IFT80: variants seen among roughly 807,000 people sequenced by gnomAD.
IFT80 encodes the protein intraflagellar transport protein 80 homolog.
Under a neutral mutation model 107.9 loss-of-function variants are expected in IFT80, and 79 were observed. That is an observed-to-expected ratio of 0.73 (90% CI 0.61 to 0.88). The LOEUF (loss-of-function observed/expected upper bound fraction) is 0.88, where lower values mean the gene tolerates loss of function less well. Ranked by LOEUF, IFT80 falls within the 40% of genes least tolerant of loss-of-function variation. The pLI is 0.00. For missense variants in IFT80, 797 were observed against 914.2 expected (o/e 0.87, Z 1.65); for synonymous variants, 299 against 300.9 (o/e 0.99, Z 0.07).
At position 160,306,612 on chromosome 3, in the gene IFT80, A is replaced by G. The variant is rs76895659; in HGVS notation, c.1076+1051T>C. On this transcript the variant is annotated intron_variant, in intron 10 of 19. Coordinates refer to ENST00000326448, the MANE Select transcript of IFT80 (RefSeq NM_020800.3). The stretch of plus-strand genomic sequence containing the variant: ...AAAAAAAAAACTCACATAAAATTAA[A>G]TTGCCTATTTCTTTATCTACTCGCC... Among the ~76,000 whole-genome samples, 7 of 152,190 alleles carry G rather than the reference A, an allele frequency of 4.6e-5. No individual in the cohort carries two copies. The East Asian group carries it at 9.6e-4, about 21-fold the overall frequency.
intron 9 of IFT80, among the ~76,000 whole-genome samples, chr3:160,319,555 G>A (rs75901635): frequency 0.02 from 3,110 of 152,020 alleles, 99 homozygotes; most frequent in African/African-American, 0.071. Flanking sequence ...ATGCATAACT[G>A]AAGTAGCTTT....
chr3:160,280,781 G>A lies in IFT80; in HGVS notation c.1550C>T (p.Thr517Ile), dbSNP rs1408265295. 3 of 1,613,192 alleles carry A rather than the reference G, an allele frequency of 1.9e-6. No homozygotes were observed. Among genetic ancestry groups the A allele is most frequent in the Non-Finnish European group, 1.7e-6 (2 of 1,179,386 alleles). Reference sequence around the variant, plus strand: ...TTGAAGTCCACAAAGGATATTGCATGTATCGTTCCATGCCAAAGTATGCAC... The same window carrying A: ...TTGAAGTCCACAAAGGATATTGCATATATCGTTCCATGCCAAAGTATGCAC... Reference protein sequence around the residue: ...TMVHTLAWNDTCNILCGLQDT... With the variant: ...TMVHTLAWNDICNILCGLQDT... The change falls in exon 15 of 20, where the codon ACA (threonine) becomes ATA (isoleucine). Residue 517 changes from threonine to isoleucine, a missense_variant. By Grantham distance (89) the Thr-to-Ile change is moderately conservative. Coordinates refer to ENST00000326448, the MANE Select transcript of IFT80 (RefSeq NM_020800.3).
chr3:160,312,211 T>G (rs1205089555), intron 9 of IFT80, among the ~76,000 whole-genome samples: 1 of 152,120 alleles, frequency 6.6e-6, no homozygotes, highest in Non-Finnish European at 1.5e-5. Flanking sequence ...TGGTGCCCTC[T>G]GGAACTGAGC....
rs751433239 is a variant in IFT80 at position 160,268,405 on chromosome 3, ATACT to A, written c.2223+4_2223+7del. 7.5e-6 allele frequency: 12 copies of A among 1,610,152 alleles called. No homozygotes were observed. Among genetic ancestry groups the A allele is most frequent in the East Asian group, 4.5e-5 (2 of 44,724 alleles). ...ATGTATTATTATACAAAATTGTGAA[ATACT>A]TACACCTTCTGCATAATGCAAGTAT... is the stretch of plus-strand genomic sequence containing the variant. On this transcript the variant is annotated splice_donor_5th_base_variant and intron_variant, in intron 19 of 19. Transcript: ENST00000326448.
chr3:160,301,197 C>T, intron 11 of IFT80, 151 bp from the exon 12 acceptor site: 3 of 780,714 alleles, frequency 3.8e-6, no homozygotes, highest in Non-Finnish European at 3.7e-6. Context: ...ACATTTTAAA[C>T]ACTGAAAGCC....
intron 18 of IFT80, among the ~76,000 whole-genome samples, chr3:160,275,306 C>A (rs187311066): frequency 6.6e-6 from 1 of 151,892 alleles, no homozygotes; most frequent in African/African-American, 2.4e-5. Flanking sequence ...TGTACTGAAC[C>A]GTATCAATCT....
At chr3:160,322,073 T>C (rs1463265160) in intron 8 of IFT80, among the ~76,000 whole-genome samples, 3 of 151,472 alleles carry the variant, frequency 2.0e-5, no homozygotes, top group African/African-American at 7.3e-5. Context: ...TTAGGGTACA[T>C]GTGCATAATG....
chr3:160,312,611 TA>T lies in IFT80; in HGVS notation c.958-4831del, dbSNP rs1262110271. ...ATATATAATAAATATATATTATATATAAATATATAATATATATATATAATAA... is the reference window on the plus strand; with the variant it reads ...ATATATAATAAATATATATTATATATAATATATAATATATATATATAATAA... On this transcript the variant is annotated intron_variant, in intron 9 of 19. Coordinates refer to ENST00000326448, the MANE Select transcript of IFT80 (RefSeq NM_020800.3). Among the ~76,000 whole-genome samples the T allele has an allele frequency of 8.5e-5, 6 of 70,836 alleles. No homozygotes were observed. The Admixed American group carries it at 1.2e-3, about 14-fold the overall frequency. 46.5% of individuals were successfully genotyped at this position (70,836 alleles called of 152,430 possible).
chr3:160,360,594 G>A lies in IFT80; in HGVS notation c.550-3016C>T, dbSNP rs553268654. Reference sequence around the variant, plus strand: ...TAGAAATGAAGGAAAAAATGTTAACGGCAGCCAGAAAGAAAGATCGGGTTA... The same window carrying A: ...TAGAAATGAAGGAAAAAATGTTAACAGCAGCCAGAAAGAAAGATCGGGTTA... On this transcript the variant is annotated intron_variant, in intron 6 of 19. Transcript: ENST00000326448. Among the ~76,000 whole-genome samples, 18 of 152,178 alleles carry A rather than the reference G, an allele frequency of 1.2e-4. No individual in the cohort carries two copies. In the East Asian group the frequency reaches 1.9e-3, roughly 16 times the overall value.
At chr3:160,352,269 C>T (rs1445854445) in intron 8 of IFT80, among the ~76,000 whole-genome samples, 2 of 151,854 alleles carry the variant, frequency 1.3e-5, no homozygotes, top group Non-Finnish European at 2.9e-5. Flanking sequence ...GCTGGGATTA[C>T]AGGCGTGAGC....
intron 11 of IFT80, among the ~76,000 whole-genome samples, chr3:160,302,064 G>A (rs1056214551): frequency 1.3e-5 from 2 of 152,084 alleles, no homozygotes; most frequent in Admixed American, 6.5e-5. Flanking sequence ...TTGAAAAGTT[G>A]TATTGATTTA....
At chr3:160,377,293 G>A in intron 4 of IFT80, 137 bp downstream of exon 4, 1 of 611,998 alleles carries the variant, frequency 1.6e-6, no homozygotes, top group Non-Finnish European at 2.9e-6. Flanking sequence ...CATTTATATA[G>A]CAGTGTAGAA....
At chr3:160,337,273 G>GA (rs1345355448) in intron 8 of IFT80, among the ~76,000 whole-genome samples, 5 of 152,098 alleles carry the variant, frequency 3.3e-5, no homozygotes, top group Non-Finnish European at 7.4e-5. Context: ...AAATATTTAT[G>GA]AAAACATTCC....
At chr3:160,261,526 T>C (rs1394563607) in intron 19 of IFT80, among the ~76,000 whole-genome samples, 3 of 148,820 alleles carry the variant, frequency 2.0e-5, no homozygotes, top group Non-Finnish European at 4.5e-5. Context: ...AGGAATAGAA[T>C]AGGAGGTTGC....
intron 6 of IFT80, among the ~76,000 whole-genome samples, chr3:160,362,606 T>C (rs1471533683): frequency 2.6e-5 from 4 of 152,118 alleles, no homozygotes; most frequent in South Asian, 2.1e-4. Flanking sequence ...TGAACACCGA[T>C]GCAAAAATCC....
chr3:160,323,636 G>C (rs1718450099), intron 8 of IFT80, among the ~76,000 whole-genome samples: 1 of 151,928 alleles, frequency 6.6e-6, no homozygotes, highest in Admixed American at 6.6e-5. Flanking sequence ...GCAGTGTGTA[G>C]AGGGAAATTT....
chr3:160,279,134 G>T, intron 16 of IFT80, 59 bp downstream of exon 16: 1 of 1,382,094 alleles, frequency 7.2e-7, no homozygotes, highest in Non-Finnish European at 1.0e-6. Context: ...TACTCATTTT[G>T]CACAAAGGTA....
At chr3:160,353,264 TGTTTTTCAGCTGTTCAAA>T (rs1221859212) in intron 8 of IFT80, among the ~76,000 whole-genome samples, 1 of 152,174 alleles carries the variant, frequency 6.6e-6, no homozygotes, top group African/African-American at 2.4e-5. Flanking sequence ...CCAACCTCAC[TGTTTTTCAGCTGTTCAAA>T]GAAAATCTTA....
At chr3:160,376,087 C>T (rs564052663) in intron 4 of IFT80, among the ~76,000 whole-genome samples, 2 of 152,232 alleles carry the variant, frequency 1.3e-5, no homozygotes, top group South Asian at 4.1e-4. Flanking sequence ...ATAGAAATTA[C>T]GTTGAAACGA....
Sources: gnomAD v4.1 joint callset for allele counts (sites outside exome capture counted in the v4.1 genomes callset) on GRCh38, gnomAD v4.1.1 for gene constraint, MANE v1.5 for transcripts, NCBI Gene and HGNC (gene_info 2026-07-23, HGNC 2026-07-21) for gene names.